EFHC2: variants seen among roughly 807,000 people sequenced by gnomAD.
The protein encoded by EFHC2 is EF-hand domain containing 2, also known as EF-hand domain-containing family member C2.
A neutral mutation model predicts 52.7 loss-of-function variants in EFHC2; 18 were observed. The ratio of observed to expected loss-of-function variants is 0.34; its 90% CI spans 0.24 to 0.51. The LOEUF (loss-of-function observed/expected upper bound fraction) is 0.51. EFHC2 is among the 20% of genes least tolerant of loss of function. The pLI, the probability that EFHC2 is intolerant of heterozygous loss-of-function variation, is 0.97. For missense variants in EFHC2, 513 were observed against 562.5 expected (o/e 0.91, Z 0.89); for synonymous variants, 203 against 204.1 (o/e 0.99, Z 0.04).
chrX:44,325,675 C>T (rs915980021), intron 1 of EFHC2, among the ~76,000 whole-genome samples: 2 of 107,350 alleles, frequency 1.9e-5, no homozygotes, highest in African/African-American at 6.8e-5. Context: ...ACCTCTATTT[C>T]AGAACTCCAG....
At chrX:44,195,012 A>C (rs1199989970) in intron 11 of EFHC2, among the ~76,000 whole-genome samples, 1 of 112,024 alleles carries the variant, frequency 8.9e-6, no homozygotes, top group East Asian at 2.8e-4. Flanking sequence ...CTTTTCTCAA[A>C]GTCATTTCCA....
chrX:44,250,421 G>C lies in EFHC2; in HGVS notation c.631C>G (p.Arg211Gly). The change falls in exon 5 of 15, where the codon CGT becomes GGT. Residue 211 changes from arginine to glycine, a missense_variant. Transcript: ENST00000420999. ...AGGGTGTCGAGGGATTCGTAGGGAC[G>C]TAAGGGCTCTACGTGTTCTACAACC... is the stretch of plus-strand genomic sequence containing the variant. ...REVVEHVEPL[R>G]PYESLDTLKQ... 8.3e-7 allele frequency: 1 copy of C among 1,203,091 alleles called. No individual in the cohort carries two copies. The highest frequency in any genetic ancestry group is 1.1e-6 in the Non-Finnish European group (1 of 891,196).
At chrX:44,249,106 CAA>C (rs2037422626) in intron 5 of EFHC2, among the ~76,000 whole-genome samples, 190 bp from the exon 6 acceptor site, 1 of 111,842 alleles carries the variant, frequency 8.9e-6, no homozygotes, top group African/African-American at 3.3e-5. Flanking sequence ...GCCTATTTTT[CAA>C]AGTCATTCTA....
chrX:44,212,255 C>A (rs2037104756), intron 11 of EFHC2, among the ~76,000 whole-genome samples: 1 of 111,635 alleles, frequency 9.0e-6, no homozygotes, highest in African/African-American at 3.3e-5. Context: ...CCTTTTAAAA[C>A]TGTAGACGGC....
intron 3 of EFHC2, among the ~76,000 whole-genome samples, chrX:44,266,266 C>T (rs974090830): frequency 8.9e-6 from 1 of 111,851 alleles, no homozygotes; most frequent in Non-Finnish European, 1.9e-5. Flanking sequence ...TGTCCACCCT[C>T]TAGGGTGACC....
At chrX:44,194,580 C>T (rs2036947052) in intron 11 of EFHC2, among the ~76,000 whole-genome samples, 1 of 112,131 alleles carries the variant, frequency 8.9e-6, no homozygotes, top group Admixed American at 9.5e-5. Flanking sequence ...CTGATAGCTT[C>T]ATCTCTAAAA....
At chrX:44,311,178 G>A (rs987618406) in intron 2 of EFHC2, among the ~76,000 whole-genome samples, 1 of 111,588 alleles carries the variant, frequency 9.0e-6, no homozygotes, top group African/African-American at 3.3e-5. Context: ...GCCAGGTACT[G>A]AAAATAATCC....
At chrX:44,235,618 G>C (rs1446346955) in intron 8 of EFHC2, among the ~76,000 whole-genome samples, 171 bp from the exon 9 acceptor site, 1 of 112,633 alleles carries the variant, frequency 8.9e-6, no homozygotes, top group Non-Finnish European at 1.9e-5. Context: ...AAATGCAGAG[G>C]AATTTTCTCA....
At chrX:44,237,357 C>T (rs183853222) in intron 8 of EFHC2, among the ~76,000 whole-genome samples, 38 of 111,807 alleles carry the variant, frequency 3.4e-4, no homozygotes, top group Non-Finnish European at 1.9e-4. Context: ...CACAATGCTC[C>T]AGCTGACCAC....
intron 2 of EFHC2, among the ~76,000 whole-genome samples, chrX:44,306,238 A>G (rs2037904363): frequency 9.0e-6 from 1 of 111,081 alleles, no homozygotes; most frequent in South Asian, 3.8e-4. Context: ...CAATCAACTC[A>G]ATAAACCTTT....
intron 2 of EFHC2, among the ~76,000 whole-genome samples, chrX:44,297,921 C>T (rs979915839): frequency 1.1e-5 from 1 of 93,225 alleles, no homozygotes; most frequent in Non-Finnish European, 2.1e-5. Flanking sequence ...GATGAAGAGA[C>T]AGAAGTCCAA....
At chrX:44,199,595 T>C (rs1228780698) in intron 11 of EFHC2, among the ~76,000 whole-genome samples, 2 of 111,880 alleles carry the variant, frequency 1.8e-5, no homozygotes, top group East Asian at 5.6e-4. Context: ...TGAGAAAAAG[T>C]AGGGTTTGCA....
Position 44,261,106 on chromosome X carries a change from G to A in EFHC2, c.575C>T (p.Pro192Leu), listed in dbSNP as rs1453701304. Residue 192 changes from proline to leucine, a missense_variant, in exon 4 of 15, where the codon CCA becomes CTA. Physicochemically the swap from Pro to Leu is moderately conservative, Grantham distance 98. Coordinates refer to ENST00000420999, the MANE Select transcript of EFHC2 (RefSeq NM_025184.4). ...GVKVNPPVQC[P>L]EDPYMKIRRE... ...CCGAATCTTCATGTAAGGATCTTCT[G>A]GACATTGCACTGGGGGATTCACTTT... 8.3e-7 allele frequency: 1 copy of A among 1,209,079 alleles called. No individual in the cohort carries two copies.
intron 8 of EFHC2, among the ~76,000 whole-genome samples, chrX:44,239,153 G>A (rs956593773): frequency 1.8e-5 from 2 of 111,934 alleles, no homozygotes; most frequent in African/African-American, 6.5e-5. Flanking sequence ...GAAAAAAAAT[G>A]ACTGGTGGGG....
At chrX:44,158,681 C>G (rs2036627652) in intron 14 of EFHC2, among the ~76,000 whole-genome samples, 1 of 110,696 alleles carries the variant, frequency 9.0e-6, no homozygotes, top group African/African-American at 3.3e-5. Flanking sequence ...CCCAGTTGCA[C>G]CCCCGGGACC....
chrX:44,163,532 G>A (rs1043365131), intron 14 of EFHC2, among the ~76,000 whole-genome samples: 9 of 111,934 alleles, frequency 8.0e-5, no homozygotes, highest in East Asian at 5.6e-4. Context: ...GTGCACAGCC[G>A]CGGATACCCG....
chrX:44,271,045 C>G (rs1286704256), intron 3 of EFHC2, among the ~76,000 whole-genome samples: 1 of 111,903 alleles, frequency 8.9e-6, no homozygotes, highest in African/African-American at 3.2e-5. Flanking sequence ...TACCCTATCT[C>G]TTTCCCTCTT....
chrX:44,309,910 T>C, intron 2 of EFHC2: 1 of 1,077,399 alleles, frequency 9.3e-7, no homozygotes, highest in Non-Finnish European at 1.3e-6. Flanking sequence ...AGAAATTCCC[T>C]TTCTTTGGGA....
At chrX:44,162,232 G>C (rs2036661052) in intron 14 of EFHC2, among the ~76,000 whole-genome samples, 1 of 111,569 alleles carries the variant, frequency 9.0e-6, no homozygotes, top group African/African-American at 3.3e-5. Flanking sequence ...AGACCAGCCT[G>C]GCCAACATGG....
Sources: gnomAD v4.1 joint callset for allele counts (sites outside exome capture counted in the v4.1 genomes callset) on GRCh38, gnomAD v4.1.1 for gene constraint, MANE v1.5 for transcripts, NCBI Gene and HGNC (gene_info 2026-07-23, HGNC 2026-07-21) for gene names.